NOL7: variants seen among roughly 807,000 people sequenced by gnomAD.
NOL7 encodes the protein U3 small nucleolar RNA-associated protein NOL7.
A neutral mutation model predicts 38.4 loss-of-function variants in NOL7; 36 were observed. The ratio of observed to expected loss-of-function variants is 0.94; its 90% CI spans 0.72 to 1.24. The LOEUF (loss-of-function observed/expected upper bound fraction) is 1.24. Among genes scored for constraint, NOL7 ranks in the 50% most tolerant of loss-of-function variants. NOL7 has a pLI of 0.00. For synonymous variants in NOL7, 142 were observed against 126.5 expected, an observed-to-expected ratio of 1.12 and a Z score of -0.82; for missense variants, 350 against 315.1, an observed-to-expected ratio of 1.11 and a Z score of -0.84.
At chr6:13,628,131 TATC>T (rs1282522219) in intron 8 of NOL7, among the ~76,000 whole-genome samples, 6 of 152,238 alleles carry the variant, frequency 3.9e-5, no homozygotes, top group Non-Finnish European at 5.9e-5. Flanking sequence ...CTAAAGTTGT[TATC>T]ATGTCTATCA....
At chr6:13,624,006 A>G (rs1001830418), downstream of NOL7, among the ~76,000 whole-genome samples, 1 of 152,220 alleles carries the variant, frequency 6.6e-6, no homozygotes, top group African/African-American at 2.4e-5. Context: ...CTTCAAAAAG[A>G]CATTTATAGT....
Position 13,615,544 on chromosome 6 carries a change from G to T in NOL7, c.186G>T (p.Glu62Asp). The T allele has an allele frequency of 1.3e-6, 2 of 1,560,050 alleles. No homozygotes were observed. The highest frequency in any genetic ancestry group is 1.7e-6 in the Non-Finnish European group (2 of 1,151,228). The change falls in exon 1 of 8, where the codon GAG becomes GAT. Residue 62 changes from glutamate (E) to aspartate (D), a missense_variant. Glu to Asp is a conservative substitution (Grantham distance 45). Transcript: ENST00000451315. ...DEEGDDEFDDEAPEELTFASA... is the reference protein window; with the variant it reads ...DEEGDDEFDDDAPEELTFASA... ...AAGGGGACGATGAGTTTGACGATGA[G>T]GCCCCGGAGGAGCTGACTTTCGCCA...
At chr6:13,625,930 A>C (rs1484064233), downstream of NOL7, among the ~76,000 whole-genome samples, 1 of 152,228 alleles carries the variant, frequency 6.6e-6, no homozygotes. Context: ...TTTGAACATT[A>C]AATTATGCAG....
chr6:13,620,147 A>AG, intron 5 of NOL7, 61 bp from the exon 6 acceptor site: 1 of 1,534,662 alleles, frequency 6.5e-7, no homozygotes, highest in South Asian at 1.2e-5. Context: ...TGTCTCAGGA[A>AG]GAAAAAAAAA....
At chr6:13,617,247 C>T (rs1323960663) in intron 3 of NOL7, among the ~76,000 whole-genome samples, 3 of 150,272 alleles carry the variant, frequency 2.0e-5, no homozygotes, top group South Asian at 2.1e-4. Context: ...TCTCATTTGC[C>T]CCCCCCCACC....
chr6:13,615,644 G>T lies in NOL7; in HGVS notation c.266+20G>T. On this transcript the variant is annotated intron_variant, in intron 1 of 7. Coordinates refer to ENST00000451315, the MANE Select transcript of NOL7 (RefSeq NM_016167.5). ...GCGCAGGTTCGGAGCCCGCTGCCCG[G>T]CGGGGAGAACCGCCCTTTCTCGTCC... 6.2e-7 allele frequency: 1 copy of T among 1,610,978 alleles called. No individual in the cohort carries two copies. Among genetic ancestry groups the T allele is most frequent in the African/African-American group, 1.3e-5 (1 of 75,020 alleles).
chr6:13,617,517 A>G (rs1292319414), intron 3 of NOL7, among the ~76,000 whole-genome samples: 15 of 152,222 alleles, frequency 9.9e-5, no homozygotes, highest in Non-Finnish European at 1.5e-5. Context: ...TGCCCACAGC[A>G]TTTTGCTGCT....
chr6:13,618,126 G>C lies in NOL7; in HGVS notation c.487G>C (p.Val163Leu), dbSNP rs765222106. 1.9e-6 allele frequency: 3 copies of C among 1,584,770 alleles called. No homozygotes were observed. The African/African-American group carries it at 4.0e-5, about 21-fold the overall frequency. Residue 163 changes from valine to leucine, a missense_variant, in exon 5 of 8, where the codon GTA becomes CTA. Val to Leu is a conservative substitution (Grantham distance 32, BLOSUM62 1). Coordinates refer to ENST00000451315, the MANE Select transcript of NOL7 (RefSeq NM_016167.5). ...CTCCAAGAAAGTTAAAGTACAAAAA[G>C]TACAGTCTGTCAGGTAATGAGTCTT... ...NDSKKVKVQKVQSVSQNKSYL... is the reference protein window; with the variant it reads ...NDSKKVKVQKLQSVSQNKSYL...
chr6:13,630,934 T>C (rs113140048), intron 8 of NOL7, among the ~76,000 whole-genome samples: 1 of 151,934 alleles, frequency 6.6e-6, no homozygotes, highest in Admixed American at 6.6e-5. Context: ...CTCAGCCTCC[T>C]GAGTAGCTGG....
chr6:13,630,288 T>A lies in NOL7; in HGVS notation n.574-2105T>A, dbSNP rs11963428. Among the ~76,000 whole-genome samples, 928 of 152,258 alleles carry A rather than the reference T, an allele frequency of 6.1e-3. 4 individuals are homozygous for A. The highest frequency in any genetic ancestry group is 0.021 in the African/African-American group (864 of 41,544). On this transcript the variant is annotated intron_variant and non_coding_transcript_variant, in intron 8 of 8. Coordinates refer to the NOL7 transcript ENST00000474485. ...ATCAAAGACATCTATACTCTTTAAA[T>A]AAAGATGATACATCTTCACACAATT...
Position 13,629,428 on chromosome 6 carries a change from C to G in NOL7, n.574-2965C>G, listed in dbSNP as rs187197099. ...GAGTTAAGGCACAAAACTGAAAATA[C>G]CTGAAATATGTAGCATTATGGGTTA... On this transcript the variant is annotated intron_variant and non_coding_transcript_variant, in intron 8 of 8. Transcript: ENST00000474485. Among the ~76,000 whole-genome samples, 168 of 152,196 alleles carry G rather than the reference C, an allele frequency of 1.1e-3. 2 individuals carry two copies. The highest frequency in any genetic ancestry group is 3.9e-3 in the African/African-American group (162 of 41,514).
chr6:13,627,296 T>C (rs948340903), intron 8 of NOL7, among the ~76,000 whole-genome samples: 1 of 152,100 alleles, frequency 6.6e-6, no homozygotes, highest in Admixed American at 6.5e-5. Context: ...AAAGAATATA[T>C]GACCCTTTAT....
intron 8 of NOL7, among the ~76,000 whole-genome samples, chr6:13,632,141 T>G (rs1176313393): frequency 2.7e-5 from 2 of 73,988 alleles, no homozygotes; most frequent in African/African-American, 7.0e-5. Context: ...TTTTTTTTTT[T>G]TTTTTTTTTT....
At chr6:13,618,178 C>T (rs1764337672) in intron 5 of NOL7, 39 bp downstream of exon 5, 1 of 907,660 alleles carries the variant, frequency 1.1e-6, no homozygotes. Context: ...GTAAAGGAGA[C>T]CTTTAAGAGA....
chr6:13,632,342 A>C (rs1460451808), intron 8 of NOL7: 1 of 1,602,184 alleles, frequency 6.2e-7, no homozygotes, highest in South Asian at 1.1e-5. Flanking sequence ...TGACATATTC[A>C]TAATTTTTCA....
At chr6:13,615,814 C>T (rs1301864439) in intron 2 of NOL7, 42 bp downstream of exon 2, 4 of 1,570,702 alleles carry the variant, frequency 2.5e-6, no homozygotes, top group Non-Finnish European at 2.6e-6. Context: ...AACAACTCGG[C>T]TCAGGGAGAA....
chr6:13,619,701 C>G (rs1412719597), intron 5 of NOL7, among the ~76,000 whole-genome samples: 1 of 152,186 alleles, frequency 6.6e-6, no homozygotes, highest in Non-Finnish European at 1.5e-5. Flanking sequence ...TTGGATCTAT[C>G]TGAGATGCTG....
intron 8 of NOL7, among the ~76,000 whole-genome samples, chr6:13,629,915 C>CG (rs1465606638): frequency 0.013 from 1,634 of 126,324 alleles, 19 homozygotes; most frequent in South Asian, 0.017. Flanking sequence ...CTCTCTCTCT[C>CG]TCTCTCGTGT....
rs181293217 is a variant in NOL7, at chr6:13,632,038, T to A, written n.574-355T>A. Among the ~76,000 whole-genome samples, 374 of 151,312 alleles carry A rather than the reference T, an allele frequency of 2.5e-3. 3 individuals are homozygous for A. The highest frequency in any genetic ancestry group is 8.3e-3 in the African/African-American group (344 of 41,278). On this transcript the variant is annotated intron_variant and non_coding_transcript_variant, in intron 8 of 8. Coordinates refer to the NOL7 transcript ENST00000474485. Reference sequence around the variant, plus strand: ...CATTGCTCCTAGTAACTGCTGATTTTACAGCTGAGAAAATAAAACTAAGAA... The same window carrying A: ...CATTGCTCCTAGTAACTGCTGATTTAACAGCTGAGAAAATAAAACTAAGAA...
Sources: gnomAD v4.1 joint callset for allele counts (sites outside exome capture counted in the v4.1 genomes callset) on GRCh38, gnomAD v4.1.1 for gene constraint, MANE v1.5 for transcripts, NCBI Gene and HGNC (gene_info 2026-07-23, HGNC 2026-07-21) for gene names.